MND1: variants seen among roughly 807,000 people sequenced by gnomAD.
MND1 encodes meiotic nuclear divisions 1, also known as meiotic nuclear division protein 1 homolog.
Under a neutral mutation model 35.1 loss-of-function variants are expected in MND1, and 28 were observed. The observed-to-expected ratio is 0.80, with a 90% CI of 0.59 to 1.09. MND1 has a LOEUF of 1.09. Ranked by LOEUF, MND1 falls within the 50% of genes least tolerant of loss-of-function variation. The pLI is 0.00. For missense variants in MND1, 213 were observed against 239.6 expected, an observed-to-expected ratio of 0.89 and a Z score of 0.73; for synonymous variants, 69 against 70.5, an observed-to-expected ratio of 0.98 and a Z score of 0.11.
intron 1 of MND1, among the ~76,000 whole-genome samples, chr4:153,347,957 A>C (rs980537002): frequency 8.5e-5 from 13 of 152,214 alleles, no homozygotes; most frequent in African/African-American, 3.1e-4. Flanking sequence ...TGGGGTACTC[A>C]GAAACGTCTG....
intron 4 of MND1, among the ~76,000 whole-genome samples, chr4:153,392,892 G>A (rs62324672): frequency 0.023 from 3,551 of 152,286 alleles, 62 homozygotes; most frequent in Middle Eastern, 0.075. Flanking sequence ...GGCTGAGGTC[G>A]GAAGATTGCT....
chr4:153,347,414 G>A (rs1006647814), intron 1 of MND1, among the ~76,000 whole-genome samples: 2 of 152,106 alleles, frequency 1.3e-5, no homozygotes, highest in African/African-American at 4.8e-5. Context: ...TATATCTATG[G>A]GAGTATGGTA....
At chr4:153,368,953 C>T (rs1773724661) in intron 4 of MND1, among the ~76,000 whole-genome samples, 2 of 152,196 alleles carry the variant, frequency 1.3e-5, no homozygotes. Flanking sequence ...GTTCTTGTGA[C>T]TCGTGAATCC....
At chr4:153,403,316 A>G (rs1186347798) in intron 6 of MND1, among the ~76,000 whole-genome samples, 3 of 152,254 alleles carry the variant, frequency 2.0e-5, no homozygotes, top group Non-Finnish European at 4.4e-5. Flanking sequence ...AGACTAAGTC[A>G]GAGTTATAAA....
intron 4 of MND1, among the ~76,000 whole-genome samples, chr4:153,365,467 C>T (rs889458649): frequency 4.3e-4 from 65 of 152,042 alleles, no homozygotes; most frequent in African/African-American, 1.9e-4. Flanking sequence ...CATTAGTTAA[C>T]AAAGGTTGAA....
intron 4 of MND1, among the ~76,000 whole-genome samples, chr4:153,367,455 A>G (rs950551705): frequency 2.6e-5 from 4 of 152,154 alleles, no homozygotes; most frequent in African/African-American, 9.7e-5. Flanking sequence ...AGTATTTTCA[A>G]AGTTCATCTA....
intron 4 of MND1, among the ~76,000 whole-genome samples, chr4:153,370,718 C>T (rs987821214): frequency 1.3e-5 from 2 of 151,956 alleles, no homozygotes; most frequent in African/African-American, 4.8e-5. Flanking sequence ...CAGGGTTTCA[C>T]GATGTTGGCC....
At chr4:153,383,081 A>G (rs1170195246) in intron 4 of MND1, among the ~76,000 whole-genome samples, 1 of 152,246 alleles carries the variant, frequency 6.6e-6, no homozygotes, top group African/African-American at 2.4e-5. Context: ...TTCAGTTTTT[A>G]TAATACATAA....
At chr4:153,372,386 TA>T (rs1313921618) in intron 4 of MND1, among the ~76,000 whole-genome samples, 2 of 150,982 alleles carry the variant, frequency 1.3e-5, no homozygotes, top group African/African-American at 2.4e-5. Flanking sequence ...GGATTTTTTT[TA>T]AAAAAAACTT....
intron 3 of MND1, among the ~76,000 whole-genome samples, chr4:153,357,608 T>C (rs985786975): frequency 1.3e-5 from 2 of 152,226 alleles, no homozygotes; most frequent in Non-Finnish European, 2.9e-5. Flanking sequence ...AATCCATGTA[T>C]ATAACTGGAC....
At chr4:153,381,044 C>T (rs1026966661) in intron 4 of MND1, among the ~76,000 whole-genome samples, 9 of 151,818 alleles carry the variant, frequency 5.9e-5, no homozygotes, top group Non-Finnish European at 1.2e-4. Context: ...GGACTATAGG[C>T]GCCTGCCACC....
intron 4 of MND1, among the ~76,000 whole-genome samples, chr4:153,375,114 G>A (rs573276911): frequency 6.6e-6 from 1 of 152,180 alleles, no homozygotes; most frequent in South Asian, 2.1e-4. Context: ...GGTCCTAATT[G>A]TTATACAAGT....
At chr4:153,376,601 C>T (rs16998874) in intron 4 of MND1, among the ~76,000 whole-genome samples, 1,568 of 152,232 alleles carry the variant, frequency 0.01, 31 homozygotes, top group African/African-American at 0.035. Flanking sequence ...TGCTATTCCC[C>T]TGGAGTCACC....
At chr4:153,347,104 T>A (rs1233564620) in intron 1 of MND1, among the ~76,000 whole-genome samples, 3 of 152,230 alleles carry the variant, frequency 2.0e-5, no homozygotes, top group East Asian at 3.8e-4. Context: ...GGCATCGGTA[T>A]TTTTTAAAAA....
chr4:153,365,158 A>T (rs541036329), intron 4 of MND1, among the ~76,000 whole-genome samples: 1 of 151,758 alleles, frequency 6.6e-6, no homozygotes, highest in African/African-American at 2.4e-5. Flanking sequence ...GGTATGTGTC[A>T]TTGGCTAAGC....
At chr4:153,367,233 A>G (rs929170926) in intron 4 of MND1, among the ~76,000 whole-genome samples, 4 of 152,210 alleles carry the variant, frequency 2.6e-5, no homozygotes, top group Admixed American at 6.5e-5. Context: ...AGTCATCACT[A>G]CAGTCAATTT....
chr4:153,414,315 C>A (rs896350173), intron 7 of MND1, among the ~76,000 whole-genome samples: 2 of 151,206 alleles, frequency 1.3e-5, no homozygotes, highest in Admixed American at 1.3e-4. Flanking sequence ...GAGTGTCACT[C>A]CTGTTGCCCA....
chr4:153,394,274 A>G lies in MND1; in HGVS notation c.289A>G (p.Ser97Gly). The G allele has an allele frequency of 6.2e-7, 1 of 1,612,354 alleles. No homozygotes were observed. The highest frequency in any genetic ancestry group is 8.5e-7 in the Non-Finnish European group (1 of 1,178,860). Reference sequence around the variant, plus strand: ...TTTGATTCTCTAGTTGTCTGAGGGAAGTCAAAAGCATGCAAGCCTACAGAA... The same window carrying G: ...TTTGATTCTCTAGTTGTCTGAGGGAGGTCAAAAGCATGCAAGCCTACAGAA... ...EVLESQLSEG[S>G]QKHASLQKSI... The change falls in exon 5 of 8, where the codon AGT becomes GGT. Residue 97 changes from serine to glycine, a missense_variant. Physicochemically the swap from Ser to Gly is moderately conservative, Grantham distance 56. Transcript: ENST00000240488.
At chr4:153,344,797 C>T (rs913778498) in intron 1 of MND1, 57 bp downstream of exon 1, 46 of 1,584,184 alleles carry the variant, frequency 2.9e-5, no homozygotes, top group South Asian at 2.0e-4. Context: ...TGGGCTTCGC[C>T]GCCCCTCGGC....
Sources: gnomAD v4.1 joint callset for allele counts (sites outside exome capture counted in the v4.1 genomes callset) on GRCh38, gnomAD v4.1.1 for gene constraint, MANE v1.5 for transcripts, NCBI Gene and HGNC (gene_info 2026-07-23, HGNC 2026-07-21) for gene names.